Variants in ZNF274 observed in about 807,000 individuals in gnomAD.
ZNF274 encodes neurotrophin receptor-interacting factor homolog.
In ZNF274, 23 loss-of-function variants were observed where a neutral mutation model predicts 42.5. The observed-to-expected ratio is 0.54, with a 90% CI of 0.39 to 0.77. The LOEUF (loss-of-function observed/expected upper bound fraction) is 0.77, where lower values mean the gene tolerates loss of function less well. Among genes scored for constraint, ZNF274 ranks in the 30% least tolerant of loss-of-function variants. ZNF274 has a pLI of 0.00. For missense variants in ZNF274, 679 were observed against 806.5 expected (o/e 0.84, Z 1.91); for synonymous variants, 292 against 305.4 (o/e 0.96, Z 0.46).
intron 4 of ZNF274, among the ~76,000 whole-genome samples, chr19:58,193,989 G>A (rs73564444): frequency 0.057 from 8,681 of 152,218 alleles, 848 homozygotes; most frequent in African/African-American, 0.2. Context: ...AGGGTCAGAT[G>A]TGGTGGCTCA....
intron 4 of ZNF274, among the ~76,000 whole-genome samples, chr19:58,198,934 T>C (rs1240998472): frequency 6.6e-6 from 1 of 151,532 alleles, no homozygotes. Flanking sequence ...TCTCAGCACC[T>C]TGGGAGGGTG....
intron 4 of ZNF274, chr19:58,202,313 T>C (rs975343728): frequency 1.3e-5 from 2 of 152,270 alleles, no homozygotes; most frequent in African/African-American, 2.4e-5. Context: ...GAGGTAGAAG[T>C]ATCCTGAGAG....
chr19:58,196,988 A>G (rs1348248091), intron 4 of ZNF274, among the ~76,000 whole-genome samples: 1 of 152,228 alleles, frequency 6.6e-6, no homozygotes, highest in Non-Finnish European at 1.5e-5. Context: ...ACTCAGTCTT[A>G]TCTTGAGAGG....
intron 3 of ZNF274, among the ~76,000 whole-genome samples, chr19:58,186,568 C>T (rs1275477474): frequency 6.7e-6 from 1 of 149,162 alleles, no homozygotes; most frequent in African/African-American, 2.5e-5. Context: ...TCCCTTCAAA[C>T]TCTGGTTATT....
At position 58,211,458 on chromosome 19, in the gene ZNF274, C is replaced by A; in HGVS notation, c.853-102C>A. The A allele has an allele frequency of 6.9e-7, 1 of 1,441,384 alleles. No homozygotes were observed. The allele number at this position is 1,441,384 out of a possible 1,614,324, so 89.3% of individuals were successfully genotyped here. On this transcript the variant is annotated intron_variant, in intron 6 of 7. Coordinates refer to ENST00000617501, the MANE Select transcript of ZNF274 (RefSeq NM_133502.3). This position sits in a 1 kb window ranked among gnomAD's most constrained non-coding sequence, Gnocchi z 4.8. The stretch of plus-strand genomic sequence containing the variant: ...ATCCCCAAAGCAGGAGAGTCCCTAG[C>A]ACCGTGAGCTCTGTCAGAACCTCCC...
intron 4 of ZNF274, among the ~76,000 whole-genome samples, chr19:58,190,329 G>A (rs1409322958): frequency 2.6e-5 from 4 of 151,880 alleles, no homozygotes; most frequent in African/African-American, 7.2e-5. Context: ...TTAATCATCT[G>A]TAACAGTTGT....
In ZNF274 at chr19:58,211,435, C is replaced by T. The variant is rs187060164; in HGVS notation, c.853-125C>T. On this transcript the variant is annotated intron_variant, in intron 6 of 7. Coordinates refer to ENST00000617501, the MANE Select transcript of ZNF274 (RefSeq NM_133502.3). The surrounding 1 kb of genome is among the most constrained non-coding windows in gnomAD (Gnocchi z 4.8). ...CCTGGGTTGGTGTCTCTGAGCAAAT[C>T]CCCAAAGCAGGAGAGTCCCTAGCAC... is the stretch of plus-strand genomic sequence containing the variant. 37 of 1,292,220 alleles carry T rather than the reference C, an allele frequency of 2.9e-5. No individual in the cohort carries two copies. The African/African-American group carries it at 4.2e-4, about 15-fold the overall frequency. The allele number at this position is 1,292,220 out of a possible 1,614,324, so 80.0% of individuals were successfully genotyped here.
intron 4 of ZNF274, among the ~76,000 whole-genome samples, chr19:58,203,225 C>G (rs931166139): frequency 6.6e-6 from 1 of 152,092 alleles, no homozygotes; most frequent in Non-Finnish European, 1.5e-5. Context: ...GCACTTAGTC[C>G]GGTGCTGCTG....
At chr19:58,204,856 A>G (rs1282032693) in intron 4 of ZNF274, among the ~76,000 whole-genome samples, 1 of 152,278 alleles carries the variant, frequency 6.6e-6, no homozygotes, top group African/African-American at 2.4e-5. Context: ...AGAGCCGGGT[A>G]TAGTAGGGAG....
At chr19:58,193,445 CTTTTTTTTTTTTTTTT>C (rs71188098) in intron 4 of ZNF274, among the ~76,000 whole-genome samples, 4 of 47,784 alleles carry the variant, frequency 8.4e-5, no homozygotes, top group Non-Finnish European at 1.4e-4. Flanking sequence ...CGCGCCTGGC[CTTTTTTTTTTTTTTTT>C]TTTTTTTTTG....
At chr19:58,210,450 G>T (rs181662193) in intron 6 of ZNF274, 91 of 178,290 alleles carry the variant, frequency 5.1e-4, no homozygotes, top group Admixed American at 1.5e-3. Flanking sequence ...TTTGGTATCT[G>T]GGATTTGCTT....
chr19:58,183,196 C>A lies in ZNF274; in HGVS notation c.-292C>A, dbSNP rs2075650755. 6.6e-6 allele frequency: 1 copy of A among 152,358 alleles called. No individual in the cohort carries two copies. The highest frequency in any genetic ancestry group is 1.5e-5 in the Non-Finnish European group (1 of 68,144). The allele number at this position is 152,358 out of a possible 1,614,324, so 9.4% of individuals were successfully genotyped here. On this transcript the variant is annotated 5_prime_UTR_variant, in exon 1 of 8. Transcript: ENST00000617501. ...GGTCGCCGCCCACATTAGTGTGGGG[C>A]CCTGCGGCCTAGCGTCCCTCACCAG...
At position 58,183,932 on chromosome 19, in the gene ZNF274, C is replaced by A. The variant is rs1251723724; in HGVS notation, c.-34C>A. 1 of 1,583,336 alleles carries A rather than the reference C, an allele frequency of 6.3e-7. No individual in the cohort carries two copies. Among genetic ancestry groups the A allele is most frequent in the South Asian group, 1.2e-5 (1 of 86,564 alleles). ...TTCGGTTTCCTCAGGACTCTGCCCA[C>A]TTCCACCAGAGACACATTGAGAAGG... On this transcript the variant is annotated 5_prime_UTR_variant, in exon 2 of 8. Coordinates refer to ENST00000617501, the MANE Select transcript of ZNF274 (RefSeq NM_133502.3).
chr19:58,194,771 G>A (rs540754830), intron 4 of ZNF274, among the ~76,000 whole-genome samples: 1 of 152,050 alleles, frequency 6.6e-6, no homozygotes, highest in African/African-American at 2.4e-5. Context: ...ACTTTGGGAG[G>A]CCAAGGCGGG....
Position 58,213,213 on chromosome 19 carries a change from T to A in ZNF274, c.*70T>A. 1 of 1,522,954 alleles carries A rather than the reference T, an allele frequency of 6.6e-7. No individual in the cohort carries two copies. Among genetic ancestry groups the A allele is most frequent in the Non-Finnish European group, 8.8e-7 (1 of 1,139,060 alleles). 94.3% of individuals were successfully genotyped at this position (1,522,954 alleles called of 1,614,324 possible). A position where few individuals can be genotyped will look rare whatever the true frequency, so the allele number is the denominator to read the frequency against. Reference sequence around the variant, plus strand: ...GCAATATAACATGCACAGGCCTGCTTGTGAATCAGGACTGAATGTGAAAGG... The same window carrying A: ...GCAATATAACATGCACAGGCCTGCTAGTGAATCAGGACTGAATGTGAAAGG... On this transcript the variant is annotated 3_prime_UTR_variant, in exon 8 of 8. Coordinates refer to ENST00000617501, the MANE Select transcript of ZNF274 (RefSeq NM_133502.3).
chr19:58,187,379 A>G (rs1237500461), intron 4 of ZNF274, among the ~76,000 whole-genome samples: 1 of 152,184 alleles, frequency 6.6e-6, no homozygotes, highest in Non-Finnish European at 1.5e-5. Context: ...ACGTGAATGT[A>G]TGTGAATATA....
At chr19:58,199,668 G>A (rs1196266394) in intron 4 of ZNF274, among the ~76,000 whole-genome samples, 5 of 152,330 alleles carry the variant, frequency 3.3e-5, no homozygotes, top group East Asian at 1.9e-4. Context: ...AGCAGAGATC[G>A]CACTACTGCA....
chr19:58,207,343 GC>G lies in ZNF274; in HGVS notation c.739+144del. 1.5e-6 allele frequency: 2 copies of G among 1,349,220 alleles called. No homozygotes were observed. Among genetic ancestry groups the G allele is most frequent in the Non-Finnish European group, 2.0e-6 (2 of 1,010,782 alleles). 83.6% of individuals were successfully genotyped at this position (1,349,220 alleles called of 1,614,324 possible). A position where few individuals can be genotyped will look rare whatever the true frequency, so the allele number is the denominator to read the frequency against. On this transcript the variant is annotated intron_variant, in intron 5 of 7. Transcript: ENST00000617501. This position sits in a 1 kb window ranked among gnomAD's most constrained non-coding sequence, Gnocchi z 5.6. The stretch of plus-strand genomic sequence containing the variant: ...CATACAGACCAAGGACATCCATGTT[GC>G]CCACGTGTTCCTGAGTCAGAGCCAC...
intron 4 of ZNF274, 27 bp downstream of exon 4, chr19:58,187,069 A>C (rs1429382799): frequency 1.9e-6 from 3 of 1,586,552 alleles, no homozygotes; most frequent in Middle Eastern, 1.7e-4. Flanking sequence ...GGAAGCCCCC[A>C]CAGGGAAGGG....
Sources: allele counts gnomAD v4.1 joint callset (sites outside exome capture counted in the v4.1 genomes callset), GRCh38; gene constraint gnomAD v4.1.1; non-coding constraint Gnocchi (gnomAD v3.1); transcripts MANE v1.5; gene names NCBI Gene and HGNC (gene_info 2026-07-23, HGNC 2026-07-21).